Variants in RNF111 observed in about 807,000 individuals in gnomAD.
The protein encoded by RNF111 is ring finger protein 111.
In RNF111, 17 loss-of-function variants were observed where a neutral mutation model predicts 95.1. The ratio of observed to expected loss-of-function variants is 0.18; its 90% CI spans 0.12 to 0.27. The LOEUF (loss-of-function observed/expected upper bound fraction) is 0.27. RNF111 is among the 10% of genes least tolerant of loss of function. The pLI is 1.00. For missense variants in RNF111, 1,189 were observed against 1,210.4 expected, an observed-to-expected ratio of 0.98 and a Z score of 0.26; for synonymous variants, 440 against 414.8, an observed-to-expected ratio of 1.06 and a Z score of -0.74.
chr15:59,096,203 C>T lies in RNF111; in HGVS notation c.*1303C>T. 2.5e-6 allele frequency: 1 copy of T among 396,614 alleles called. No individual in the cohort carries two copies. Among genetic ancestry groups the T allele is most frequent in the Non-Finnish European group, 4.4e-6 (1 of 224,884 alleles). 24.6% of individuals were successfully genotyped at this position (396,614 alleles called of 1,614,324 possible). A position where few individuals can be genotyped will look rare whatever the true frequency, so the allele number is the denominator to read the frequency against. On this transcript the variant is annotated 3_prime_UTR_variant, in exon 14 of 14. Coordinates refer to ENST00000348370, the MANE Select transcript of RNF111 (RefSeq NM_017610.8). ...CTTTGGAGGAAGTTTTAATCTACTTCAGGATGCATATTATTATCAAGATAC... is the reference window on the plus strand; with the variant it reads ...CTTTGGAGGAAGTTTTAATCTACTTTAGGATGCATATTATTATCAAGATAC...
intron 1 of RNF111, among the ~76,000 whole-genome samples, chr15:59,000,959 G>C (rs1470683711): frequency 8.5e-5 from 13 of 152,156 alleles, no homozygotes; most frequent in African/African-American, 2.7e-4. Context: ...GGAAATAAGT[G>C]AGCTGGAAAA....
intron 10 of RNF111, among the ~76,000 whole-genome samples, chr15:59,088,818 A>G (rs1356397868): frequency 6.6e-6 from 1 of 152,220 alleles, no homozygotes; most frequent in Non-Finnish European, 1.5e-5. Context: ...CATAGCCAAC[A>G]ACACTGTAAC....
At chr15:58,996,331 G>A (rs948629342) in intron 1 of RNF111, among the ~76,000 whole-genome samples, 2 of 152,064 alleles carry the variant, frequency 1.3e-5, no homozygotes, top group African/African-American at 2.4e-5. Flanking sequence ...CCAGCACTTC[G>A]GGAGGCCGAG....
At chr15:59,030,723 G>T in intron 1 of RNF111, 81 bp from the exon 2 acceptor site, 1 of 945,740 alleles carries the variant, frequency 1.1e-6, no homozygotes, top group Non-Finnish European at 1.5e-6. Flanking sequence ...GGATCTTCTT[G>T]GTGGAATTTG....
rs1448143619 is a variant in RNF111, at chr15:58,992,795, C to T, written c.-20+4727C>T. ...AGATTGTGCCACTGCATTCCAGCCT[C>T]GGTGACAAAGCCAGACCCTATCTCA... On this transcript the variant is annotated intron_variant, in intron 1 of 13. Coordinates refer to ENST00000348370, the MANE Select transcript of RNF111 (RefSeq NM_017610.8). Among the ~76,000 whole-genome samples, 3 of 150,546 alleles carry T rather than the reference C, an allele frequency of 2.0e-5. No homozygotes were observed. The South Asian group carries it at 6.4e-4, about 32-fold the overall frequency.
chr15:58,991,822 A>G (rs1402579564), intron 1 of RNF111, among the ~76,000 whole-genome samples: 2 of 152,250 alleles, frequency 1.3e-5, no homozygotes, highest in African/African-American at 4.8e-5. Context: ...CAAATACAAT[A>G]TGTTGGTGTT....
rs200399712 is a variant in RNF111 at position 59,066,945 on chromosome 15, C to T, written c.1548C>T (p.His516=). The change falls in exon 6 of 14, where the codon CAC becomes CAT. Residue 516 remains histidine, a synonymous_variant. Transcript: ENST00000348370. The stretch of plus-strand genomic sequence containing the variant: ...ATGGTCACCATTTTCAACATCATCA[C>T]CACCACCACCATACTCCCCACCCAG... ...QQHGHHFQHH[H]HHHHTPHPAV... is the part of the protein sequence containing the mutation. 3 of 1,613,898 alleles carry T rather than the reference C, an allele frequency of 1.9e-6. No individual in the cohort carries two copies. The highest frequency in any genetic ancestry group is 1.7e-6 in the Non-Finnish European group (2 of 1,179,838).
chr15:59,025,127 C>T (rs997895123), intron 1 of RNF111, among the ~76,000 whole-genome samples: 2 of 152,164 alleles, frequency 1.3e-5, no homozygotes, highest in Non-Finnish European at 1.5e-5. Context: ...TGTTACGATC[C>T]GCCCTCCTCC....
chr15:59,032,372 TTCAGCCATAG>T (rs2040954290), intron 2 of RNF111, among the ~76,000 whole-genome samples: 1 of 152,198 alleles, frequency 6.6e-6, no homozygotes, highest in Admixed American at 6.6e-5. Flanking sequence ...GTATGATGGA[TTCAGCCATAG>T]TAAGAACAGT....
chr15:59,030,843 A>C lies in RNF111; in HGVS notation c.21A>C (p.Glu7Asp), dbSNP rs747617319. 1.9e-6 allele frequency: 3 copies of C among 1,579,692 alleles called. No individual in the cohort carries two copies. The highest frequency in any genetic ancestry group is 2.6e-6 in the Non-Finnish European group (3 of 1,165,398). Reference sequence around the variant, plus strand: ...TTCCCATGTCTCAATGGACTCCTGAATATAACGAGCTCTACACCTTAAAAG... The same window carrying C: ...TTCCCATGTCTCAATGGACTCCTGACTATAACGAGCTCTACACCTTAAAAG... MSQWTPEYNELYTLKVD... is the reference protein window; with the variant it reads MSQWTPDYNELYTLKVD... The change falls in exon 2 of 14, where the codon GAA (glutamate) becomes GAC (aspartate). Residue 7 changes from glutamate (E) to aspartate (D), a missense_variant. Glu to Asp is a conservative substitution (Grantham distance 45, BLOSUM62 2). This residue lies in a region of RNF111 where 1,024 missense variants were observed against 925.9 expected (regional missense o/e 1.11). Transcript: ENST00000348370.
intron 1 of RNF111, among the ~76,000 whole-genome samples, chr15:59,021,858 A>G (rs1227776281): frequency 6.6e-6 from 1 of 151,500 alleles, no homozygotes; most frequent in African/African-American, 2.4e-5. Context: ...CATTTTTTCT[A>G]GCTTCTTATA....
chr15:59,074,014 T>C (rs2043059128), intron 6 of RNF111, among the ~76,000 whole-genome samples: 3 of 152,250 alleles, frequency 2.0e-5, no homozygotes, highest in Admixed American at 2.0e-4. Flanking sequence ...TTTTCTTTTT[T>C]GAGAAAAGGT....
chr15:59,070,699 C>G (rs910325949), intron 6 of RNF111, among the ~76,000 whole-genome samples: 7 of 152,216 alleles, frequency 4.6e-5, no homozygotes, highest in Non-Finnish European at 7.4e-5. Flanking sequence ...TTCTCTTTCC[C>G]AACTTGAGTA....
chr15:59,000,998 AT>A (rs2039301278), intron 1 of RNF111, among the ~76,000 whole-genome samples: 1 of 152,030 alleles, frequency 6.6e-6, no homozygotes. Flanking sequence ...TTAACTTTTT[AT>A]TTTTTTGCCT....
At chr15:59,044,647 A>C (rs1280790883) in intron 2 of RNF111, among the ~76,000 whole-genome samples, 4 of 152,152 alleles carry the variant, frequency 2.6e-5, no homozygotes, top group Admixed American at 1.3e-4. Context: ...GAAGAAAATC[A>C]CCCACAGTCC....
At chr15:59,018,277 A>G (rs985790418) in intron 1 of RNF111, among the ~76,000 whole-genome samples, 9 of 152,172 alleles carry the variant, frequency 5.9e-5, no homozygotes, top group African/African-American at 1.9e-4. Context: ...TTCCATTCAA[A>G]TCTGCTAACG....
intron 2 of RNF111, among the ~76,000 whole-genome samples, chr15:59,051,773 A>G (rs1833654529): frequency 2.0e-5 from 1 of 50,376 alleles, no homozygotes; most frequent in Admixed American, 2.3e-4. Context: ...AACTGTCTCA[A>G]TAAATAAATA....
Position 59,066,847 on chromosome 15 carries a change from C to T in RNF111, c.1450C>T (p.His484Tyr), listed in dbSNP as rs1360250509. ...AAGGTTACCTTCCTGCTGTCCCCAGCACTCACCATGTGGAGGGTCGTCACA... is the reference window on the plus strand; with the variant it reads ...AAGGTTACCTTCCTGCTGTCCCCAGTACTCACCATGTGGAGGGTCGTCACA... ...MPRLPSCCPQHSPCGGSSQNH... is the reference protein window; with the variant it reads ...MPRLPSCCPQYSPCGGSSQNH... The change falls in exon 6 of 14, where the codon CAC becomes TAC. Residue 484 changes from histidine to tyrosine, a missense_variant. His to Tyr is a moderately conservative substitution (Grantham distance 83). Coordinates refer to ENST00000348370, the MANE Select transcript of RNF111 (RefSeq NM_017610.8). 6.2e-7 allele frequency: 1 copy of T among 1,613,996 alleles called. No individual in the cohort carries two copies. Among genetic ancestry groups the T allele is most frequent in the Non-Finnish European group, 8.5e-7 (1 of 1,180,018 alleles).
At chr15:59,077,791 A>G (rs1339240320) in intron 7 of RNF111, among the ~76,000 whole-genome samples, 5 of 152,204 alleles carry the variant, frequency 3.3e-5, no homozygotes, top group Admixed American at 2.6e-4. Context: ...GGCTGCATCA[A>G]TTTACACACC....
Sources: gnomAD v4.1 joint callset for allele counts (sites outside exome capture counted in the v4.1 genomes callset) on GRCh38, gnomAD v4.1.1 for gene constraint, gnomAD v4.1.1 regional missense constraint, MANE v1.5 for transcripts, NCBI Gene and HGNC (gene_info 2026-07-23, HGNC 2026-07-21) for gene names.